The following CDH18 variants were observed in gnomAD, a reference collection of about 807,000 sequenced individuals.
CDH18 encodes the protein cadherin-18.
In CDH18, 31 loss-of-function variants were observed where a neutral mutation model predicts 67.9. The ratio of observed to expected loss-of-function variants is 0.46; its 90% CI spans 0.34 to 0.62. The LOEUF (loss-of-function observed/expected upper bound fraction) is 0.62. Among genes scored for constraint, CDH18 ranks in the 20% least tolerant of loss-of-function variants. CDH18 has a pLI of 0.01. For missense variants in CDH18, 890 were observed against 975.5 expected (o/e 0.91, Z 1.17); for synonymous variants, 362 against 347.2 (o/e 1.04, Z -0.48).
chr5:19,910,086 A>ATTTTC (rs1790962997), intron 2 of CDH18, among the ~76,000 whole-genome samples: 3 of 152,214 alleles, frequency 2.0e-5, no homozygotes, highest in African/African-American at 4.8e-5. Flanking sequence ...AGAAATGGAT[A>ATTTTC]TTTTCTTTTC....
chr5:20,247,735 G>T (rs1220737648), intron 2 of CDH18, among the ~76,000 whole-genome samples: 2 of 148,984 alleles, frequency 1.3e-5, no homozygotes, highest in East Asian at 3.9e-4. Context: ...CTGCACTCCA[G>T]CCTGGCCAAC....
intron 4 of CDH18, 96 bp from the exon 5 acceptor site, chr5:19,721,562 A>G: frequency 9.2e-7 from 1 of 1,083,734 alleles, no homozygotes; most frequent in Non-Finnish European, 1.3e-6. Flanking sequence ...AGCTATGGAG[A>G]TCAGTACTGG....
At chr5:19,732,552 C>G (rs1244242145) in intron 4 of CDH18, among the ~76,000 whole-genome samples, 1 of 152,114 alleles carries the variant, frequency 6.6e-6, no homozygotes, top group African/African-American at 2.4e-5. Context: ...GCTATGTCAT[C>G]AAAATCAAGC....
intron 2 of CDH18, among the ~76,000 whole-genome samples, chr5:19,849,315 A>C (rs1581634090): frequency 1.3e-5 from 2 of 152,060 alleles, no homozygotes. Context: ...TATAGGGCAT[A>C]GGGCACAGTT....
In CDH18 at chr5:20,496,214, C is replaced by A. The variant is rs180820986; in HGVS notation, c.-580+79248G>T. ...AGTGAATTTAAAATAAAGGAGATTGCAAACCCCCTGGGTAAAATAAACAAG... is the reference window on the plus strand; with the variant it reads ...AGTGAATTTAAAATAAAGGAGATTGAAAACCCCCTGGGTAAAATAAACAAG... On this transcript the variant is annotated intron_variant, in intron 1 of 14. Coordinates refer to the CDH18 transcript ENST00000507958. Among the ~76,000 whole-genome samples, 380 of 152,138 alleles carry A rather than the reference C, an allele frequency of 2.5e-3. 4 individuals are homozygous for A. Among genetic ancestry groups the A allele is most frequent in the Non-Finnish European group, 4.9e-4 (33 of 67,972 alleles).
chr5:19,971,856 A>G lies in CDH18; in HGVS notation c.-257+9204T>C, dbSNP rs560108322. Reference sequence around the variant, plus strand: ...CCTCTAAACTTAAACGTTAAAAAAAAAAAGAGAGAGAGAGAGAGAAAGAAA... The same window carrying G: ...CCTCTAAACTTAAACGTTAAAAAAAGAAAGAGAGAGAGAGAGAGAAAGAAA... On this transcript the variant is annotated intron_variant, in intron 2 of 12. Transcript: ENST00000382275. Among the ~76,000 whole-genome samples the G allele has an allele frequency of 7.3e-4, 91 of 124,576 alleles. No individual in the cohort carries two copies. In the South Asian group the frequency reaches 0.023, roughly 31 times the overall value. 81.7% of individuals were successfully genotyped at this position (124,576 alleles called of 152,430 possible).
intron 2 of CDH18, among the ~76,000 whole-genome samples, chr5:19,858,018 T>A (rs1156394367): frequency 6.6e-6 from 1 of 152,192 alleles, no homozygotes; most frequent in Non-Finnish European, 1.5e-5. Flanking sequence ...GAATTCAAAA[T>A]CTGCAGCAAG....
chr5:20,370,964 G>C (rs1742944724), intron 1 of CDH18, among the ~76,000 whole-genome samples: 1 of 151,820 alleles, frequency 6.6e-6, no homozygotes, highest in South Asian at 2.1e-4. Context: ...TTGAACCTGG[G>C]AAGTGGAGGT....
intron 11 of CDH18, among the ~76,000 whole-genome samples, chr5:19,500,818 T>G (rs2126743437): frequency 6.6e-6 from 1 of 152,176 alleles, no homozygotes; most frequent in Middle Eastern, 3.4e-3. Context: ...ATCATTTAAT[T>G]AAGACATTTC....
At chr5:20,241,879 A>AATATATATATAT (rs1300027440) in intron 2 of CDH18, among the ~76,000 whole-genome samples, 1 of 85,466 alleles carries the variant, frequency 1.2e-5, no homozygotes, top group African/African-American at 5.6e-5. Context: ...AATAAAATAA[A>AATATATATATAT]ATATATATAT....
intron 4 of CDH18, among the ~76,000 whole-genome samples, chr5:19,733,001 C>T (rs1767821979): frequency 6.6e-6 from 1 of 152,124 alleles, no homozygotes. Flanking sequence ...TTTCCCAAAA[C>T]AGCATCCCCT....
intron 2 of CDH18, among the ~76,000 whole-genome samples, chr5:20,156,300 T>G (rs866631053): frequency 6.6e-6 from 1 of 152,118 alleles, no homozygotes; most frequent in Non-Finnish European, 1.5e-5. Context: ...ACAGCGCTAT[T>G]CACAATAGCA....
At chr5:20,003,449 C>A (rs1475754347) in intron 2 of CDH18, among the ~76,000 whole-genome samples, 2 of 151,896 alleles carry the variant, frequency 1.3e-5, no homozygotes, top group African/African-American at 4.8e-5. Context: ...TTCAAATGGG[C>A]AAATGTCTCT....
chr5:20,271,614 TAC>T (rs1437061966), intron 1 of CDH18, among the ~76,000 whole-genome samples: 1 of 151,888 alleles, frequency 6.6e-6, no homozygotes, highest in Non-Finnish European at 1.5e-5. Context: ...AACAATGATA[TAC>T]ACACACACCA....
intron 2 of CDH18, among the ~76,000 whole-genome samples, chr5:20,148,170 C>T (rs1321826700): frequency 1.3e-5 from 2 of 151,744 alleles, no homozygotes; most frequent in East Asian, 1.9e-4. Context: ...TGGCTCACTG[C>T]AAGCTCCGCC....
At position 20,311,088 on chromosome 5, in the gene CDH18, A is replaced by G. The variant is rs191932811; in HGVS notation, c.-579-55583T>C. On this transcript the variant is annotated intron_variant, in intron 1 of 14. Coordinates refer to the CDH18 transcript ENST00000507958. ...TGTATACACCCCTGACCCTTAAAAA[A>G]CAAAACAAAACAAAAACAAACAAAA... is the stretch of plus-strand genomic sequence containing the variant. Among the ~76,000 whole-genome samples, 1,220 of 152,268 alleles carry G rather than the reference A, an allele frequency of 8.0e-3. 12 individuals are homozygous for G. Among genetic ancestry groups the G allele is most frequent in the Non-Finnish European group, 0.014 (919 of 68,002 alleles).
intron 2 of CDH18, among the ~76,000 whole-genome samples, chr5:19,852,944 T>A (rs575937466): frequency 3.3e-5 from 5 of 152,014 alleles, no homozygotes; most frequent in Admixed American, 6.6e-5. Flanking sequence ...ATTGGATGTG[T>A]ACATCAGCAT....
At chr5:19,985,493 G>T (rs1018119696) in intron 1 of CDH18, among the ~76,000 whole-genome samples, 1 of 151,946 alleles carries the variant, frequency 6.6e-6, no homozygotes, top group African/African-American at 2.4e-5. Flanking sequence ...ACAATGTATA[G>T]AGAGATTTTT....
intron 1 of CDH18, among the ~76,000 whole-genome samples, chr5:20,501,249 C>A (rs1754230357): frequency 6.6e-6 from 1 of 151,410 alleles, no homozygotes; most frequent in African/African-American, 2.4e-5. Flanking sequence ...TGTGGAATTA[C>A]TAAAAGCAAA....
Sources: gnomAD v4.1 joint callset for allele counts (sites outside exome capture counted in the v4.1 genomes callset) on GRCh38, gnomAD v4.1.1 for gene constraint, MANE v1.5 for transcripts, NCBI Gene and HGNC (gene_info 2026-07-23, HGNC 2026-07-21) for gene names.